The following EPB41L4B variants were observed in gnomAD, a reference collection of about 807,000 sequenced individuals.
The protein encoded by EPB41L4B is erythrocyte membrane protein band 4.1 like 4B.
Under a neutral mutation model 112.5 loss-of-function variants are expected in EPB41L4B, and 30 were observed. The observed-to-expected ratio is 0.27, with a 90% confidence interval of 0.20 to 0.36. The LOEUF (loss-of-function observed/expected upper bound fraction) is 0.36. Ranked by LOEUF, EPB41L4B falls within the 10% of genes least tolerant of loss-of-function variation. The pLI is 1.00. For missense variants in EPB41L4B, 1,024 were observed against 1,133.3 expected, an observed-to-expected ratio of 0.90 and a Z score of 1.38; for synonymous variants, 408 against 439.7, an observed-to-expected ratio of 0.93 and a Z score of 0.90.
intron 1 of EPB41L4B, among the ~76,000 whole-genome samples, chr9:109,288,691 C>G (rs1335394873): frequency 7.7e-6 from 1 of 130,608 alleles, no homozygotes; most frequent in African/African-American, 3.0e-5. Flanking sequence ...CCACTGCACT[C>G]CAGCCTTGGT....
chr9:109,308,827 C>T (rs1055358359), intron 1 of EPB41L4B, among the ~76,000 whole-genome samples: 3 of 152,182 alleles, frequency 2.0e-5, no homozygotes, highest in Non-Finnish European at 4.4e-5. Flanking sequence ...CCTGTAATCT[C>T]AGCACTTTGG....
intron 15 of EPB41L4B, among the ~76,000 whole-genome samples, chr9:109,228,396 C>G (rs1833854953): frequency 6.6e-6 from 1 of 152,190 alleles, no homozygotes; most frequent in Non-Finnish European, 1.5e-5. Flanking sequence ...AACTGTCCAT[C>G]TACTTATCTA....
At chr9:109,287,183 T>C (rs1836321004) in intron 1 of EPB41L4B, among the ~76,000 whole-genome samples, 1 of 152,218 alleles carries the variant, frequency 6.6e-6, no homozygotes, top group Admixed American at 6.5e-5. Flanking sequence ...GGGATATCTT[T>C]GCTGGCCAGC....
In EPB41L4B at chr9:109,253,423, G is replaced by A. The variant is rs767075892; in HGVS notation, c.1279+18C>T. 6.4e-7 allele frequency: 1 copy of A among 1,562,142 alleles called. No individual in the cohort carries two copies. Among genetic ancestry groups the A allele is most frequent in the East Asian group, 2.2e-5 (1 of 44,542 alleles). Reference sequence around the variant, plus strand: ...AAGCATAATGTAAAATTCCAAGAAAGAATGAAAAACACACAACCTTTGAAC... The same window carrying A: ...AAGCATAATGTAAAATTCCAAGAAAAAATGAAAAACACACAACCTTTGAAC... On this transcript the variant is annotated intron_variant, in intron 12 of 25. Transcript: ENST00000374566.
intron 15 of EPB41L4B, among the ~76,000 whole-genome samples, chr9:109,220,437 A>C (rs1833532073): frequency 6.6e-6 from 1 of 151,994 alleles, no homozygotes; most frequent in South Asian, 2.1e-4. Context: ...TGTGGAGGAG[A>C]CTGGTTGGGG....
chr9:109,186,811 C>A (rs1340849417), intron 22 of EPB41L4B, among the ~76,000 whole-genome samples: 1 of 152,136 alleles, frequency 6.6e-6, no homozygotes, highest in Non-Finnish European at 1.5e-5. Flanking sequence ...TTTCATATGT[C>A]TTGGCTCTTT....
At chr9:109,209,717 T>C (rs1244197415) in intron 17 of EPB41L4B, among the ~76,000 whole-genome samples, 2 of 152,078 alleles carry the variant, frequency 1.3e-5, no homozygotes, top group African/African-American at 4.8e-5. Context: ...TGAGAGCTTA[T>C]TATGGGTTAG....
chr9:109,282,698 CT>C lies in EPB41L4B; in HGVS notation c.307-2778del, dbSNP rs1056843064. Among the ~76,000 whole-genome samples the C allele has an allele frequency of 1.2e-4, 18 of 151,476 alleles. No homozygotes were observed. The East Asian group carries it at 2.9e-3, about 25-fold the overall frequency. ...CCACTCAGGACAAATGATCTCATTT[CT>C]TTTTTTTTGAAATGGAGTTTTGCTC... On this transcript the variant is annotated intron_variant, in intron 1 of 25. Transcript: ENST00000374566.
At chr9:109,258,105 A>G in intron 7 of EPB41L4B, 72 bp downstream of exon 7, 2 of 1,513,038 alleles carry the variant, frequency 1.3e-6, no homozygotes, top group Non-Finnish European at 1.8e-6. Context: ...ACTGGTAGAT[A>G]AAGGAGTGTG....
chr9:109,199,595 G>A (rs902573328), intron 20 of EPB41L4B, among the ~76,000 whole-genome samples: 1 of 152,086 alleles, frequency 6.6e-6, no homozygotes, highest in Non-Finnish European at 1.5e-5. Flanking sequence ...CTTGAACCTG[G>A]GAGGCGGATT....
chr9:109,286,193 G>A (rs1011172880), intron 1 of EPB41L4B, among the ~76,000 whole-genome samples: 12 of 148,770 alleles, frequency 8.1e-5, no homozygotes, highest in African/African-American at 2.0e-4. Flanking sequence ...GGATGGATGG[G>A]TGGATGGATG....
At chr9:109,187,685 T>C (rs915152001) in intron 22 of EPB41L4B, among the ~76,000 whole-genome samples, 5 of 152,172 alleles carry the variant, frequency 3.3e-5, no homozygotes, top group African/African-American at 9.6e-5. Flanking sequence ...TCTCTGATGA[T>C]AGCAGGCACG....
At chr9:109,177,906 C>A (rs1831902913) in intron 24 of EPB41L4B, among the ~76,000 whole-genome samples, 1 of 151,798 alleles carries the variant, frequency 6.6e-6, no homozygotes, top group Non-Finnish European at 1.5e-5. Context: ...TTCTCTCTCT[C>A]TTCCTCTCTT....
intron 22 of EPB41L4B, among the ~76,000 whole-genome samples, chr9:109,188,297 A>G (rs1296150307): frequency 1.3e-5 from 2 of 152,154 alleles, no homozygotes; most frequent in African/African-American, 4.8e-5. Flanking sequence ...TTCTCCAGAC[A>G]CTGAGGCTGG....
rs550780132 is a variant in EPB41L4B, at chr9:109,243,503, A to G, written c.1409+115T>C. On this transcript the variant is annotated intron_variant, in intron 15 of 25. Coordinates refer to ENST00000374566, the MANE Select transcript of EPB41L4B (RefSeq NM_019114.5). ...TTATTCATCTCGGCCATGACAATGC[A>G]TCCCTTAAGGGTTATTTCTGATGCA... 77 of 907,230 alleles carry G rather than the reference A, an allele frequency of 8.5e-5. No homozygotes were observed. In the South Asian group the frequency reaches 1.2e-3, roughly 14 times the overall value. 56.2% of individuals were successfully genotyped at this position (907,230 alleles called of 1,614,324 possible).
At chr9:109,294,913 AG>A (rs1344163142) in intron 1 of EPB41L4B, among the ~76,000 whole-genome samples, 1 of 152,204 alleles carries the variant, frequency 6.6e-6, no homozygotes, top group Non-Finnish European at 1.5e-5. Flanking sequence ...TGGGGATTGG[AG>A]GGTGTCAGCA....
intron 13 of EPB41L4B, among the ~76,000 whole-genome samples, chr9:109,250,566 C>A (rs1834747217): frequency 6.6e-6 from 1 of 152,180 alleles, no homozygotes; most frequent in African/African-American, 2.4e-5. Flanking sequence ...ACTCAACAAG[C>A]CAAAACTCAC....
intron 20 of EPB41L4B, among the ~76,000 whole-genome samples, chr9:109,199,356 C>T (rs571567179): frequency 1.3e-5 from 2 of 152,192 alleles, no homozygotes; most frequent in South Asian, 4.2e-4. Flanking sequence ...GGATTTGCTT[C>T]TCATGAACAG....
At chr9:109,260,501 G>A (rs375689355) in intron 6 of EPB41L4B, among the ~76,000 whole-genome samples, 2 of 138,632 alleles carry the variant, frequency 1.4e-5, no homozygotes, top group South Asian at 2.4e-4. Flanking sequence ...TGCAACCTCC[G>A]CCTCCCGGGT....
Sources: allele counts gnomAD v4.1 joint callset (sites outside exome capture counted in the v4.1 genomes callset), GRCh38; gene constraint gnomAD v4.1.1; transcripts MANE v1.5; gene names NCBI Gene and HGNC (gene_info 2026-07-23, HGNC 2026-07-21).